The following OTUD7B variants were observed in gnomAD, a reference collection of about 807,000 sequenced individuals.
OTUD7B encodes OTU domain-containing protein 7B.
OTUD7B carries 34 observed loss-of-function variants against 82.2 expected under a neutral mutation model. The ratio of observed to expected loss-of-function variants is 0.41; its 90% CI spans 0.31 to 0.55. The LOEUF (loss-of-function observed/expected upper bound fraction) is 0.55. Among genes scored for constraint, OTUD7B ranks in the 20% least tolerant of loss-of-function variants. The pLI, the probability that OTUD7B is intolerant of heterozygous loss-of-function variation, is 0.20. For missense variants in OTUD7B, 944 were observed against 1,062.1 expected (o/e 0.89, Z 1.55); for synonymous variants, 398 against 402.7 (o/e 0.99, Z 0.14).
chr1:150,014,084 G>GTGTGTGTGTA (rs1336267152), upstream of OTUD7B, among the ~76,000 whole-genome samples: 7 of 30,398 alleles, frequency 2.3e-4, no homozygotes, highest in East Asian at 1.4e-3. Context: ...GTGTGTGTGT[G>GTGTGTGTGTA]TATATATATA....
chr1:150,056,361 C>A, the OTUD7B span, among the ~76,000 whole-genome samples: 1 of 152,128 alleles, frequency 6.6e-6, no homozygotes, highest in South Asian at 2.1e-4. Flanking sequence ...AAATTCATCT[C>A]ATGAATTGCA....
chr1:149,980,730 G>C (rs898754161), intron 1 of OTUD7B, among the ~76,000 whole-genome samples: 4 of 151,892 alleles, frequency 2.6e-5, no homozygotes, highest in Non-Finnish European at 5.9e-5. Flanking sequence ...CAAAAAGTTT[G>C]GGCTGGGCAC....
chr1:149,989,322 A>G (rs1466838335), intron 1 of OTUD7B, among the ~76,000 whole-genome samples: 2 of 151,862 alleles, frequency 1.3e-5, no homozygotes, highest in Admixed American at 6.6e-5. Context: ...AAAATACAAA[A>G]ATTAGCCAGG....
chr1:149,968,862 C>T (rs587671179), intron 3 of OTUD7B, among the ~76,000 whole-genome samples: 4 of 151,498 alleles, frequency 2.6e-5, no homozygotes, highest in African/African-American at 7.3e-5. Context: ...AGGCACACGC[C>T]ACCACACCCA....
At chr1:149,952,485 T>C (rs2101756759) in intron 7 of OTUD7B, among the ~76,000 whole-genome samples, 1 of 152,340 alleles carries the variant, frequency 6.6e-6, no homozygotes, top group South Asian at 2.1e-4. Flanking sequence ...GTCTTTGCTA[T>C]TGTGAATAGT....
intron 1 of OTUD7B, among the ~76,000 whole-genome samples, chr1:149,996,020 C>CTGCAT (rs1199385500): frequency 6.6e-6 from 1 of 152,182 alleles, no homozygotes; most frequent in African/African-American, 2.4e-5. Flanking sequence ...GAGTCCCTAC[C>CTGCAT]TGCATACTCA....
At chr1:150,032,793 T>C in the OTUD7B span, among the ~76,000 whole-genome samples, 1 of 152,274 alleles carries the variant, frequency 6.6e-6, no homozygotes, top group African/African-American at 2.4e-5. Context: ...TTCAAACTGG[T>C]AAACCTGTGG....
Position 149,960,413 on chromosome 1 carries a change from T to TTTTTTTTTTTTG in OTUD7B, c.733-618_733-617insCAAAAAAAAAAA, listed in dbSNP as rs1366020859. Among the ~76,000 whole-genome samples the TTTTTTTTTTTTG allele has an allele frequency of 4.1e-4, 30 of 72,566 alleles. 3 individuals are homozygous for TTTTTTTTTTTTG. The highest frequency in any genetic ancestry group is 9.9e-4 in the East Asian group (2 of 2,024). The allele number at this position is 72,566 out of a possible 152,430, so 47.6% of individuals were successfully genotyped here. A position where few individuals can be genotyped will look rare whatever the true frequency, so the allele number is the denominator to read the frequency against. On this transcript the variant is annotated intron_variant, in intron 6 of 11. Transcript: ENST00000581312. ...CCTTTTTTTCTTTTTTTTTTTTTTG[T>TTTTTTTTTTTTG]AGACAGAGTCACCCAGGCTGGAGTG...
intron 1 of OTUD7B, among the ~76,000 whole-genome samples, chr1:149,981,546 G>T (rs1650732181): frequency 1.3e-5 from 2 of 152,208 alleles, no homozygotes; most frequent in South Asian, 2.1e-4. Flanking sequence ...ATGCAAAATT[G>T]TTAGACAAAG....
chr1:149,986,969 A>G (rs1553780967), intron 1 of OTUD7B, among the ~76,000 whole-genome samples: 1 of 152,176 alleles, frequency 6.6e-6, no homozygotes, highest in African/African-American at 2.4e-5. Flanking sequence ...ATCCTACTCT[A>G]AAGGGATCTA....
the OTUD7B span, among the ~76,000 whole-genome samples, chr1:150,025,575 C>A: frequency 6.6e-6 from 1 of 152,186 alleles, no homozygotes; most frequent in South Asian, 2.1e-4. Context: ...TTCTCTCCCA[C>A]TACAGACTGA....
chr1:150,013,108 T>C (rs587690280), upstream of OTUD7B, among the ~76,000 whole-genome samples: 1 of 152,326 alleles, frequency 6.6e-6, no homozygotes, highest in South Asian at 2.1e-4. Context: ...TTCTTGCTGC[T>C]AGGTAGAATA....
At chr1:149,950,462 G>A (rs1438200543) in intron 7 of OTUD7B, among the ~76,000 whole-genome samples, 1 of 152,184 alleles carries the variant, frequency 6.6e-6, no homozygotes, top group African/African-American at 2.4e-5. Flanking sequence ...GGTTAAAGCA[G>A]TGTTAGGAAT....
At chr1:150,059,696 A>C in the OTUD7B span, among the ~76,000 whole-genome samples, 2 of 152,282 alleles carry the variant, frequency 1.3e-5, no homozygotes, top group Admixed American at 1.3e-4. Context: ...CTAGGTAGGG[A>C]AGATTAACAT....
chr1:149,949,658 A>T lies in OTUD7B; in HGVS notation c.1094T>A (p.Met365Lys). Residue 365 changes from methionine to lysine, a missense_variant, in exon 9 of 12, where the codon ATG (methionine) becomes AAG (lysine). Physicochemically the swap from Met to Lys is moderately conservative, Grantham distance 95. Around this residue, in one of 3 missense-constraint regions of OTUD7B, gnomAD observed 530 missense variants for 625.6 expected, o/e 0.85. Transcript: ENST00000581312. ...TTCCTTGGTATTCTCCTTCTGCTCC[A>T]TGGACACGAGTGCAGAAAAGTGGGC... ...DQAHFSALVS[M>K]EQKENTKEQA... 6.2e-7 allele frequency: 1 copy of T among 1,614,176 alleles called. No homozygotes were observed. The highest frequency in any genetic ancestry group is 8.5e-7 in the Non-Finnish European group (1 of 1,180,026).
intron 7 of OTUD7B, among the ~76,000 whole-genome samples, chr1:149,956,402 C>T (rs1463807960): frequency 6.6e-6 from 1 of 152,102 alleles, no homozygotes; most frequent in African/African-American, 2.4e-5. Context: ...GCCGAGAGAT[C>T]TGCTGTTAGT....
chr1:150,046,115 A>G, the OTUD7B span, among the ~76,000 whole-genome samples: 2 of 152,208 alleles, frequency 1.3e-5, no homozygotes, highest in African/African-American at 2.4e-5. Flanking sequence ...TTTAATTCCT[A>G]TGGCCTACAG....
chr1:150,022,285 T>G, the OTUD7B span, among the ~76,000 whole-genome samples: 1 of 151,636 alleles, frequency 6.6e-6, no homozygotes, highest in South Asian at 2.1e-4. Flanking sequence ...GTAATCCCAG[T>G]TACTCAGGAG....
At chr1:149,946,073 T>A (rs1647700639) in intron 11 of OTUD7B, among the ~76,000 whole-genome samples, 1 of 129,394 alleles carries the variant, frequency 7.7e-6, no homozygotes, top group Non-Finnish European at 1.6e-5. Context: ...AGAAAAATAA[T>A]AATAATAATA....
Sources: gnomAD v4.1 joint callset for allele counts (sites outside exome capture counted in the v4.1 genomes callset) on GRCh38, gnomAD v4.1.1 for gene constraint, gnomAD v4.1.1 regional missense constraint, MANE v1.5 for transcripts, NCBI Gene and HGNC (gene_info 2026-07-23, HGNC 2026-07-21) for gene names.